Variants in MED13L observed in about 807,000 individuals in gnomAD.
MED13L encodes mediator complex subunit 13L.
In MED13L, 7 loss-of-function variants were observed where a neutral mutation model predicts 220.9. That is an observed-to-expected ratio of 0.03 (90% CI 0.02 to 0.06). The LOEUF (loss-of-function observed/expected upper bound fraction) is 0.06. MED13L is among the 10% of genes least tolerant of loss of function. The probability of loss-of-function intolerance (pLI) is 1.00; values close to 1 mark genes in which losing one functional copy is unlikely to be tolerated. For missense variants in MED13L, 1,965 were observed against 2,760.5 expected, an observed-to-expected ratio of 0.71 and a Z score of 6.46; for synonymous variants, 1,011 against 1,015.2, an observed-to-expected ratio of 1.00 and a Z score of 0.08.
chr12:116,162,579 T>G (rs1878970781), intron 2 of MED13L, among the ~76,000 whole-genome samples: 1 of 152,218 alleles, frequency 6.6e-6, no homozygotes, highest in African/African-American at 2.4e-5. Flanking sequence ...TTTAAATTTT[T>G]TAATGTTATC....
chr12:116,158,658 A>G (rs899943023), intron 2 of MED13L, among the ~76,000 whole-genome samples: 4 of 152,218 alleles, frequency 2.6e-5, no homozygotes, highest in African/African-American at 9.6e-5. Flanking sequence ...TGACAGACAA[A>G]AATTAGGGAT....
intron 2 of MED13L, among the ~76,000 whole-genome samples, chr12:116,164,875 T>A (rs371161587): frequency 6.6e-6 from 1 of 152,276 alleles, no homozygotes; most frequent in African/African-American, 2.4e-5. Context: ...TTTCAAGTTA[T>A]GTTTACTTTC....
Position 116,195,025 on chromosome 12 carries a change from A to G in MED13L, c.310+42443T>C, listed in dbSNP as rs546065026. ...CAGGAATAAAAGTGGCCCACCTAAG[A>G]TAAGGGACTGAGGCCGAAATTGGGC... On this transcript the variant is annotated intron_variant, in intron 2 of 30. Coordinates refer to ENST00000281928, the MANE Select transcript of MED13L (RefSeq NM_015335.5). 1.3e-4 allele frequency among the ~76,000 whole-genome samples: 20 copies of G among 152,344 alleles called. No homozygotes were observed. The East Asian group carries it at 3.1e-3, about 23-fold the overall frequency.
chr12:115,977,827 A>G (rs1441865131), intron 23 of MED13L, among the ~76,000 whole-genome samples: 1 of 151,962 alleles, frequency 6.6e-6, no homozygotes, highest in Non-Finnish European at 1.5e-5. Context: ...CAAAACCCCT[A>G]TCAAAAAATT....
chr12:115,982,475 G>T lies in MED13L; in HGVS notation c.5084C>A (p.Ser1695Tyr), dbSNP rs775457796. 1 of 1,614,164 alleles carries T rather than the reference G, an allele frequency of 6.2e-7. No individual in the cohort carries two copies. Among genetic ancestry groups the T allele is most frequent in the East Asian group, 2.2e-5 (1 of 44,876 alleles). ...FTYAAEEDST[S>Y]GNFWLLSLMR... The stretch of plus-strand genomic sequence containing the variant: ...CAAGCTCAACAGCCAAAAGTTCCCA[G>T]AAGTGGAGTCCTCCTCTGCAGCATA... The change falls in exon 22 of 31, where the codon TCT (serine) becomes TAT (tyrosine). Residue 1695 changes from serine (S) to tyrosine (Y), a missense_variant. Ser to Tyr is a moderately radical substitution (Grantham distance 144). This residue lies in a region of MED13L where 510 missense variants were observed against 620.4 expected (regional missense o/e 0.82). Coordinates refer to ENST00000281928, the MANE Select transcript of MED13L (RefSeq NM_015335.5).
In MED13L at chr12:116,118,704, A is replaced by T. The variant is rs1027460760; in HGVS notation, c.311-7192T>A. On this transcript the variant is annotated intron_variant, in intron 2 of 30. Transcript: ENST00000281928. ...ATCCCTAAAATTTCAAAATAAGTTA[A>T]ATCTGCAAAGACATGCTTGGAATCT... Among the ~76,000 whole-genome samples, 6 of 152,314 alleles carry T rather than the reference A, an allele frequency of 3.9e-5. No individual in the cohort carries two copies. In the South Asian group the frequency reaches 1.2e-3, roughly 32 times the overall value.
chr12:116,263,369 G>A (rs1439490583), intron 1 of MED13L, among the ~76,000 whole-genome samples: 1 of 152,096 alleles, frequency 6.6e-6, no homozygotes, highest in Non-Finnish European at 1.5e-5. Context: ...TTATATTTCT[G>A]AATTGAAAAA....
intron 1 of MED13L, among the ~76,000 whole-genome samples, chr12:116,270,549 A>C (rs1020086716): frequency 8.5e-5 from 13 of 152,300 alleles, no homozygotes; most frequent in Admixed American, 8.5e-4. Flanking sequence ...GATGTACATG[A>C]CTTCATACTA....
At chr12:116,111,394 T>C (rs1874068493) in intron 3 of MED13L, 34 bp downstream of exon 3, 2 of 1,564,248 alleles carry the variant, frequency 1.3e-6, no homozygotes, top group Admixed American at 1.7e-5. Flanking sequence ...TACTTGGTTG[T>C]CTGCAAACCA....
chr12:116,148,482 A>G (rs948399307), intron 2 of MED13L: 3 of 279,352 alleles, frequency 1.1e-5, no homozygotes, highest in South Asian at 7.3e-5. Context: ...GTCAATGACA[A>G]AAGTGTTTTA....
chr12:115,996,271 T>C (rs1470822946), intron 16 of MED13L, among the ~76,000 whole-genome samples: 2 of 152,066 alleles, frequency 1.3e-5, no homozygotes, highest in African/African-American at 4.8e-5. Context: ...TTTGTATTTT[T>C]AGTAGAGACG....
rs771532250 is a variant in MED13L at position 115,997,337 on chromosome 12, G to A, written c.2570-107C>T. The A allele has an allele frequency of 1.8e-3, 1,425 of 812,776 alleles. 3 individuals are homozygous for A. Among genetic ancestry groups the A allele is most frequent in the Non-Finnish European group, 1.9e-3 (931 of 491,904 alleles). The allele number at this position is 812,776 out of a possible 1,614,324, so 50.3% of individuals were successfully genotyped here. Reference sequence around the variant, plus strand: ...GCACCAAAAATAGTGCTAATTAAATGATCACATCAGTTCACAAAAGAATAT... The same window carrying A: ...GCACCAAAAATAGTGCTAATTAAATAATCACATCAGTTCACAAAAGAATAT... On this transcript the variant is annotated intron_variant, in intron 14 of 30. Transcript: ENST00000281928.
chr12:116,041,644 A>C (rs765643306), intron 4 of MED13L, among the ~76,000 whole-genome samples: 8 of 152,226 alleles, frequency 5.3e-5, no homozygotes, highest in Non-Finnish European at 1.2e-4. Context: ...GGAGATCAAG[A>C]CCATCCTGGC....
intron 13 of MED13L, among the ~76,000 whole-genome samples, chr12:116,005,282 A>G (rs918625912): frequency 6.6e-5 from 10 of 152,194 alleles, no homozygotes; most frequent in African/African-American, 2.2e-4. Flanking sequence ...GGATGAGGAC[A>G]CACATTTCCT....
Position 116,008,270 on chromosome 12 carries a change from C to G in MED13L, c.2012+131G>C, listed in dbSNP as rs575999185. 9.4e-6 allele frequency: 12 copies of G among 1,272,652 alleles called. No individual in the cohort carries two copies. In the African/African-American group the frequency reaches 1.5e-4, roughly 16 times the overall value. The allele number at this position is 1,272,652 out of a possible 1,614,324, so 78.8% of individuals were successfully genotyped here. The stretch of plus-strand genomic sequence containing the variant: ...AAAGCATTTGACCATTAAACATTTT[C>G]CATATCCGGAGTCAAGAAGGACAAA... On this transcript the variant is annotated intron_variant, in intron 10 of 30. Coordinates refer to ENST00000281928, the MANE Select transcript of MED13L (RefSeq NM_015335.5).
chr12:116,015,184 T>G lies in MED13L; in HGVS notation c.1100A>C (p.Lys367Thr). 1 of 1,613,952 alleles carries G rather than the reference T, an allele frequency of 6.2e-7. No individual in the cohort carries two copies. The highest frequency in any genetic ancestry group is 8.5e-7 in the Non-Finnish European group (1 of 1,179,880). Residue 367 changes from lysine (K) to threonine (T), a missense_variant, in exon 8 of 31, where the codon AAG becomes ACG. Coordinates refer to ENST00000281928, the MANE Select transcript of MED13L (RefSeq NM_015335.5). ...ATGATTGTGGAGTTTTGGAGGAATCTTCCCCGATCTCTTTGGACTGTGCAT... is the reference window on the plus strand; with the variant it reads ...ATGATTGTGGAGTTTTGGAGGAATCGTCCCCGATCTCTTTGGACTGTGCAT... ...ITMHSPKRSG[K>T]IPPKLHNHMV...
rs537633532 is a variant in MED13L at position 116,085,174 on chromosome 12, A to G, written c.479+11495T>C. Among the ~76,000 whole-genome samples, 20 of 152,308 alleles carry G rather than the reference A, an allele frequency of 1.3e-4. No homozygotes were observed. In the South Asian group the frequency reaches 2.7e-3, roughly 21 times the overall value. ...TAAGATCTCAAAATGTGTTGAGGCTATTTCTACTACAAGAATTGCAATTCA... is the reference window on the plus strand; with the variant it reads ...TAAGATCTCAAAATGTGTTGAGGCTGTTTCTACTACAAGAATTGCAATTCA... On this transcript the variant is annotated intron_variant, in intron 4 of 30. Coordinates refer to ENST00000281928, the MANE Select transcript of MED13L (RefSeq NM_015335.5).
chr12:116,076,639 T>C (rs1412097070), intron 4 of MED13L, among the ~76,000 whole-genome samples: 2 of 152,112 alleles, frequency 1.3e-5, no homozygotes, highest in African/African-American at 4.8e-5. Context: ...TCAAGAGCAA[T>C]TGGGAGAAGT....
At chr12:116,222,564 A>G (rs901097170) in intron 2 of MED13L, among the ~76,000 whole-genome samples, 18 of 152,208 alleles carry the variant, frequency 1.2e-4, no homozygotes, top group Non-Finnish European at 1.9e-4. Flanking sequence ...CTGACTCACT[A>G]ATGATACAAG....
Sources: allele counts gnomAD v4.1 joint callset (sites outside exome capture counted in the v4.1 genomes callset), GRCh38; gene constraint gnomAD v4.1.1; regional missense constraint gnomAD v4.1.1; transcripts MANE v1.5; gene names NCBI Gene and HGNC (gene_info 2026-07-23, HGNC 2026-07-21).